The following SHB variants were observed in gnomAD, a reference collection of about 807,000 sequenced individuals.
The protein encoded by SHB is SH2 domain containing adaptor protein B.
SHB carries 20 observed loss-of-function variants against 52.3 expected under a neutral mutation model. The ratio of observed to expected loss-of-function variants is 0.38; its 90% CI spans 0.27 to 0.56. SHB has a LOEUF of 0.56. Among genes scored for constraint, SHB ranks in the 20% least tolerant of loss-of-function variants. The pLI is 0.71. For synonymous variants in SHB, 397 were observed against 316.5 expected (o/e 1.25, Z -2.70); for missense variants, 825 against 723.3 (o/e 1.14, Z -1.61).
In SHB at chr9:38,043,313, C is replaced by A. The variant is rs573852563; in HGVS notation, c.717+24616G>T. ...GCCTGGGGATATTACCTAGTAGACA[C>A]ATAGGGGACTGAACCAAAAACAAAG... On this transcript the variant is annotated intron_variant, in intron 1 of 5. Coordinates refer to ENST00000377707, the MANE Select transcript of SHB (RefSeq NM_003028.3). Among the ~76,000 whole-genome samples, 7 of 152,332 alleles carry A rather than the reference C, an allele frequency of 4.6e-5. No homozygotes were observed. In the South Asian group the frequency reaches 1.2e-3, roughly 27 times the overall value.
intron 5 of SHB, among the ~76,000 whole-genome samples, chr9:37,937,911 A>G (rs1564082956): frequency 6.6e-6 from 1 of 152,134 alleles, no homozygotes; most frequent in Non-Finnish European, 1.5e-5. Flanking sequence ...TGACCCCACC[A>G]GGGTCTTGAC....
chr9:38,025,352 C>A (rs2118100173), intron 1 of SHB, among the ~76,000 whole-genome samples: 1 of 152,302 alleles, frequency 6.6e-6, no homozygotes, highest in East Asian at 1.9e-4. Flanking sequence ...TGCCAGACAG[C>A]CCTTCCTCTC....
Position 38,008,426 on chromosome 9 carries a change from T to C in SHB, c.838+7585A>G, listed in dbSNP as rs142914860. On this transcript the variant is annotated intron_variant, in intron 2 of 5. Coordinates refer to ENST00000377707, the MANE Select transcript of SHB (RefSeq NM_003028.3). ...GACTAATATGAAATCTATTTACACT[T>C]GATGATCTCCTTCCTGTCCGGTAGG... Among the ~76,000 whole-genome samples, 203 of 152,332 alleles carry C rather than the reference T, an allele frequency of 1.3e-3. 2 individuals are homozygous for C. The highest frequency in any genetic ancestry group is 4.9e-3 in the African/African-American group (202 of 41,572).
intron 3 of SHB, among the ~76,000 whole-genome samples, chr9:37,967,939 T>C (rs945430312): frequency 1.3e-5 from 2 of 152,172 alleles, no homozygotes; most frequent in African/African-American, 4.8e-5. Flanking sequence ...GAGTAAAGAA[T>C]GGAAGAACCA....
intron 2 of SHB, among the ~76,000 whole-genome samples, chr9:37,988,182 AT>A (rs906078164): frequency 1.3e-5 from 2 of 152,076 alleles, no homozygotes; most frequent in Non-Finnish European, 2.9e-5. Context: ...AGAGGCACTA[AT>A]CCCCCCAGGG....
intron 1 of SHB, among the ~76,000 whole-genome samples, chr9:38,062,559 G>A (rs1318718346): frequency 6.6e-6 from 1 of 152,150 alleles, no homozygotes; most frequent in Non-Finnish European, 1.5e-5. Flanking sequence ...TGGAGGAGGA[G>A]AGACCACACG....
At chr9:37,951,508 G>A (rs1185383765) in intron 4 of SHB, among the ~76,000 whole-genome samples, 2 of 152,210 alleles carry the variant, frequency 1.3e-5, no homozygotes, top group African/African-American at 4.8e-5. Context: ...AGATTTCACT[G>A]TGTAACACAC....
At chr9:37,927,985 C>G (rs2118466606) in intron 5 of SHB, among the ~76,000 whole-genome samples, 1 of 150,302 alleles carries the variant, frequency 6.7e-6, no homozygotes, top group Non-Finnish European at 1.5e-5. Flanking sequence ...GAGGACTTTT[C>G]TAGGAACATG....
chr9:37,942,089 A>G (rs1275745797), intron 5 of SHB, among the ~76,000 whole-genome samples: 1 of 152,228 alleles, frequency 6.6e-6, no homozygotes, highest in Non-Finnish European at 1.5e-5. Context: ...AGGGACAGAC[A>G]AAAGAAAAAC....
At chr9:37,953,589 G>A (rs554797973) in intron 4 of SHB, among the ~76,000 whole-genome samples, 6 of 152,256 alleles carry the variant, frequency 3.9e-5, no homozygotes, top group African/African-American at 1.4e-4. Flanking sequence ...AGGGAAGGCA[G>A]GTGGTAGGAG....
intron 2 of SHB, among the ~76,000 whole-genome samples, chr9:37,985,484 C>T (rs931375559): frequency 3.3e-5 from 5 of 152,272 alleles, no homozygotes; most frequent in South Asian, 2.1e-4. Flanking sequence ...ACTGCCTTTG[C>T]GTGCGGAGGC....
At chr9:37,996,925 C>T (rs1056483836) in intron 2 of SHB, among the ~76,000 whole-genome samples, 1 of 152,236 alleles carries the variant, frequency 6.6e-6, no homozygotes, top group East Asian at 1.9e-4. Flanking sequence ...AATTTTCTTG[C>T]TTGATCCAGG....
At chr9:38,065,707 GATC>G (rs1821952793) in intron 1 of SHB, among the ~76,000 whole-genome samples, 1 of 152,178 alleles carries the variant, frequency 6.6e-6, no homozygotes, top group South Asian at 2.1e-4. Context: ...AACCCAGAGA[GATC>G]TTCTAAAAAA....
At chr9:38,037,959 T>A (rs3763637) in intron 1 of SHB, among the ~76,000 whole-genome samples, 12,591 of 152,296 alleles carry the variant, frequency 0.083, 602 homozygotes, top group South Asian at 0.11. Flanking sequence ...AGATTTTTTT[T>A]AAAATCTGGC....
chr9:37,969,060 C>G (rs542132297), intron 3 of SHB, among the ~76,000 whole-genome samples: 1 of 152,356 alleles, frequency 6.6e-6, no homozygotes, highest in African/African-American at 2.4e-5. Context: ...GGGAAGCCAC[C>G]ACCCAGTTAC....
At chr9:38,035,883 C>T (rs1349870431) in intron 1 of SHB, among the ~76,000 whole-genome samples, 1 of 152,104 alleles carries the variant, frequency 6.6e-6, no homozygotes, top group African/African-American at 2.4e-5. Context: ...CAAGGTGGGG[C>T]CTGGGATTAG....
chr9:37,976,326 G>A (rs563700616), intron 2 of SHB, among the ~76,000 whole-genome samples: 1 of 152,092 alleles, frequency 6.6e-6, no homozygotes, highest in African/African-American at 2.4e-5. Context: ...GTGAGCCACC[G>A]CACCCAGCCA....
At chr9:38,036,933 C>G (rs1821496739) in intron 1 of SHB, among the ~76,000 whole-genome samples, 1 of 152,190 alleles carries the variant, frequency 6.6e-6, no homozygotes, top group South Asian at 2.1e-4. Flanking sequence ...CTGACTCAAA[C>G]TCGGGTGCTG....
chr9:38,010,806 T>C (rs959124457), intron 2 of SHB, among the ~76,000 whole-genome samples: 3 of 152,204 alleles, frequency 2.0e-5, no homozygotes, highest in African/African-American at 7.2e-5. Context: ...GCCCCTGCAA[T>C]GACCGAGCGC....
Sources: gnomAD v4.1 joint callset for allele counts (sites outside exome capture counted in the v4.1 genomes callset) on GRCh38, gnomAD v4.1.1 for gene constraint, MANE v1.5 for transcripts, NCBI Gene and HGNC (gene_info 2026-07-23, HGNC 2026-07-21) for gene names.